Variants in CMTM4 observed in about 807,000 individuals in gnomAD.
CMTM4 encodes the protein CKLF like MARVEL transmembrane domain containing 4, also known as CKLF-like MARVEL transmembrane domain-containing protein 4.
Under a neutral mutation model 19.0 loss-of-function variants are expected in CMTM4, and 8 were observed. The ratio of observed to expected loss-of-function variants is 0.42; its 90% CI spans 0.25 to 0.76. The LOEUF (loss-of-function observed/expected upper bound fraction) is 0.76, where lower values mean the gene tolerates loss of function less well. Among genes scored for constraint, CMTM4 ranks in the 30% least tolerant of loss-of-function variants. CMTM4 has a pLI of 0.27. For missense variants in CMTM4, 228 were observed against 290.2 expected (o/e 0.79, Z 1.56); for synonymous variants, 106 against 121.1 (o/e 0.88, Z 0.82).
At chr16:66,643,291 C>T (rs1331908472) in intron 1 of CMTM4, among the ~76,000 whole-genome samples, 1 of 152,128 alleles carries the variant, frequency 6.6e-6, no homozygotes, top group African/African-American at 2.4e-5. Flanking sequence ...GGTTTAGCTG[C>T]CGGTTCCACG....
chr16:66,628,239 T>C (rs976602116), intron 2 of CMTM4, among the ~76,000 whole-genome samples: 1 of 152,212 alleles, frequency 6.6e-6, no homozygotes, highest in Non-Finnish European at 1.5e-5. Context: ...CAGGAGACAG[T>C]GGCCTTTCTC....
intron 1 of CMTM4, among the ~76,000 whole-genome samples, chr16:66,680,084 C>T (rs975930579): frequency 2.6e-5 from 4 of 152,212 alleles, no homozygotes; most frequent in African/African-American, 9.6e-5. Flanking sequence ...ACTTAGCAAT[C>T]TGGCACATAG....
At chr16:66,631,869 C>G (rs932457778) in intron 2 of CMTM4, among the ~76,000 whole-genome samples, 1 of 152,178 alleles carries the variant, frequency 6.6e-6, no homozygotes, top group East Asian at 1.9e-4. Flanking sequence ...CTTCCCTCCA[C>G]TATTGTCCTA....
chr16:66,599,068 C>G, the CMTM4 span, among the ~76,000 whole-genome samples: 1 of 151,938 alleles, frequency 6.6e-6, no homozygotes, highest in Middle Eastern at 3.2e-3. Context: ...TCATTTGAGC[C>G]CAGGAGTTCA....
intron 2 of CMTM4, among the ~76,000 whole-genome samples, chr16:66,633,036 G>A (rs1250418519): frequency 6.7e-6 from 1 of 149,974 alleles, no homozygotes; most frequent in Non-Finnish European, 1.5e-5. Flanking sequence ...GTTGAGCCAA[G>A]ATTGTGCCAC....
In CMTM4 at chr16:66,683,160, CGT is replaced by C. The variant is rs1491408161; in HGVS notation, c.186+13178_186+13179del. 2.4e-3 allele frequency among the ~76,000 whole-genome samples: 179 copies of C among 75,440 alleles called. 3 individuals carry two copies. Among genetic ancestry groups the C allele is most frequent in the African/African-American group, 6.0e-3 (119 of 19,768 alleles). 49.5% of individuals were successfully genotyped at this position (75,440 alleles called of 152,430 possible). A position where few individuals can be genotyped will look rare whatever the true frequency, so the allele number is the denominator to read the frequency against. Reference sequence around the variant, plus strand: ...ATATATATATATGTATATATATATACGTATATATATATATACATATGTATATA... The same window carrying C: ...ATATATATATATGTATATATATATACATATATATATATACATATGTATATA... On this transcript the variant is annotated intron_variant, in intron 1 of 3. Coordinates refer to ENST00000394106, the MANE Select transcript of CMTM4 (RefSeq NM_181521.3).
chr16:66,617,442 T>C lies in CMTM4; in HGVS notation c.*4616A>G. ...ATATTCCAGACAAAAGAAGGGAAAA[T>C]ACAATAGGACCCACTCCGCTTCAAG... On this transcript the variant is annotated 3_prime_UTR_variant, in exon 4 of 4. Transcript: ENST00000394106. The C allele has an allele frequency of 2.0e-6, 3 of 1,537,660 alleles. No individual in the cohort carries two copies. The South Asian group carries it at 3.6e-5, about 19-fold the overall frequency.
intron 1 of CMTM4, among the ~76,000 whole-genome samples, chr16:66,662,046 C>G (rs1251488925): frequency 6.6e-6 from 1 of 152,148 alleles, no homozygotes; most frequent in Non-Finnish European, 1.5e-5. Context: ...AGGGCCCCAG[C>G]AGCCTGCAAG....
downstream of CMTM4, chr16:66,614,648 G>A (rs868603402): frequency 4.6e-5 from 7 of 152,174 alleles, no homozygotes; most frequent in South Asian, 2.1e-4. This position sits in a 1 kb window ranked among gnomAD's most constrained non-coding sequence, Gnocchi z 4.9. Context: ...CCTGAGGATC[G>A]TGGCTCTGTT....
intron 1 of CMTM4, among the ~76,000 whole-genome samples, chr16:66,638,936 GGTAA>G (rs2016050118): frequency 6.7e-6 from 1 of 149,736 alleles, no homozygotes; most frequent in African/African-American, 2.4e-5. Context: ...AAAAAACAAA[GGTAA>G]GTATGTGAGA....
rs574192265 is a variant in CMTM4, at chr16:66,622,257, C to T, written c.463-35G>A. ...CACCAGCACAGTTAGTCCTCGGGCA[C>T]GTGGCCTGGCCCCTCAAGGCTTCTG... On this transcript the variant is annotated intron_variant, in intron 3 of 3. Transcript: ENST00000394106. The surrounding 1 kb of genome is among the most constrained non-coding windows in gnomAD (Gnocchi z 4.0). The T allele has an allele frequency of 2.6e-5, 42 of 1,605,114 alleles. No homozygotes were observed. Among genetic ancestry groups the T allele is most frequent in the African/African-American group, 1.6e-4 (12 of 74,984 alleles).
At chr16:66,648,570 A>G (rs1205655341) in intron 1 of CMTM4, among the ~76,000 whole-genome samples, 1 of 151,792 alleles carries the variant, frequency 6.6e-6, no homozygotes, top group African/African-American at 2.4e-5. Context: ...AGACAGAAGA[A>G]TCGCTTGAAC....
In CMTM4 at chr16:66,618,401, G is replaced by A; in HGVS notation, c.*3657C>T. On this transcript the variant is annotated 3_prime_UTR_variant, in exon 4 of 4. Coordinates refer to ENST00000394106, the MANE Select transcript of CMTM4 (RefSeq NM_181521.3). ...ACCCTTAAATCATCACTGCCTTGCA[G>A]AATCACTAAATTGTTCAGGTGTCTC... 1.0e-6 allele frequency: 1 copy of A among 985,448 alleles called. No individual in the cohort carries two copies. Among genetic ancestry groups the A allele is most frequent in the Non-Finnish European group, 1.2e-6 (1 of 829,952 alleles). The allele number at this position is 985,448 out of a possible 1,614,324, so 61.0% of individuals were successfully genotyped here. A position where few individuals can be genotyped will look rare whatever the true frequency, so the allele number is the denominator to read the frequency against.
downstream of CMTM4, among the ~76,000 whole-genome samples, chr16:66,611,502 A>C (rs560457056): frequency 2.6e-5 from 4 of 152,310 alleles, no homozygotes; most frequent in Non-Finnish European, 5.9e-5. Flanking sequence ...AGTGCAGCCC[A>C]GGAACCGGAG....
intron 2 of CMTM4, among the ~76,000 whole-genome samples, chr16:66,633,132 AATATATAT>A (rs1295679752): frequency 7.7e-6 from 1 of 129,848 alleles, no homozygotes; most frequent in Non-Finnish European, 1.6e-5. Context: ...TATATATATA[AATATATAT>A]ATATATCAAA....
intron 1 of CMTM4, among the ~76,000 whole-genome samples, chr16:66,661,932 C>CA (rs1256578651): frequency 6.6e-6 from 1 of 151,752 alleles, no homozygotes; most frequent in Non-Finnish European, 1.5e-5. Flanking sequence ...GACTCTGTCT[C>CA]AAAAAAATAA....
downstream of CMTM4, chr16:66,610,099 C>T: frequency 6.8e-7 from 1 of 1,474,828 alleles, no homozygotes; most frequent in Non-Finnish European, 9.3e-7. This position sits in a 1 kb window ranked among gnomAD's most constrained non-coding sequence, Gnocchi z 4.6. Flanking sequence ...GGGATCATTT[C>T]CTCTCTCCCC....
At chr16:66,610,694 T>C (rs2015343981), downstream of CMTM4, among the ~76,000 whole-genome samples, 1 of 152,148 alleles carries the variant, frequency 6.6e-6, no homozygotes. This position sits in a 1 kb window ranked among gnomAD's most constrained non-coding sequence, Gnocchi z 4.6. Flanking sequence ...GATGCTTCTC[T>C]GGACCAGGCG....
chr16:66,678,806 CT>C (rs2016854329), intron 1 of CMTM4, among the ~76,000 whole-genome samples: 1 of 152,100 alleles, frequency 6.6e-6, no homozygotes, highest in Non-Finnish European at 1.5e-5. Context: ...ATGATTTTAT[CT>C]TTAAAAAATT....
Sources: allele counts gnomAD v4.1 joint callset (sites outside exome capture counted in the v4.1 genomes callset), GRCh38; gene constraint gnomAD v4.1.1; non-coding constraint Gnocchi (gnomAD v3.1); transcripts MANE v1.5; gene names NCBI Gene and HGNC (gene_info 2026-07-23, HGNC 2026-07-21).